Variants in ZDHHC9 observed in about 807,000 individuals in gnomAD.
ZDHHC9 encodes the protein palmitoyltransferase ZDHHC9.
ZDHHC9 carries 3 observed loss-of-function variants against 26.6 expected under a neutral mutation model. That is an observed-to-expected ratio of 0.11 (90% CI 0.05 to 0.29). The LOEUF (loss-of-function observed/expected upper bound fraction) is 0.29, where lower values mean the gene tolerates loss of function less well. Ranked by LOEUF, ZDHHC9 falls within the 10% of genes least tolerant of loss-of-function variation. The pLI is 1.00. For missense variants in ZDHHC9, 146 were observed against 296.4 expected, an observed-to-expected ratio of 0.49 and a Z score of 3.73; for synonymous variants, 111 against 109.4, an observed-to-expected ratio of 1.01 and a Z score of -0.09.
chrX:129,826,384 T>A (rs1349961003), intron 4 of ZDHHC9, among the ~76,000 whole-genome samples: 1 of 111,220 alleles, frequency 9.0e-6, no homozygotes, highest in African/African-American at 3.3e-5. Flanking sequence ...GAATATAAGA[T>A]GACAAAAACT....
chrX:129,836,753 G>A (rs779984958), intron 3 of ZDHHC9, among the ~76,000 whole-genome samples: 1 of 112,067 alleles, frequency 8.9e-6, no homozygotes, highest in Non-Finnish European at 1.9e-5. Context: ...CCCTGTTCCT[G>A]CAAGGCTACC....
At chrX:129,813,112 T>C (rs1276570997) in intron 7 of ZDHHC9, among the ~76,000 whole-genome samples, 1 of 112,289 alleles carries the variant, frequency 8.9e-6, no homozygotes, top group Admixed American at 9.5e-5. Context: ...TCACTGCCAA[T>C]GGAAATTCTG....
Position 129,811,465 on chromosome X carries a change from G to A in ZDHHC9, c.822C>T (p.Tyr274=), listed in dbSNP as rs1927638617. Reference sequence around the variant, plus strand: ...AGTTCTTCACAATATTGCCATGGCTGTAGGGATTCTGGACGCGATTCTTCC... The same window carrying A: ...AGTTCTTCACAATATTGCCATGGCTATAGGGATTCTGGACGCGATTCTTCC... ...WTGKNRVQNP[Y]SHGNIVKNCC... is the part of the protein sequence containing the mutation. The change falls in exon 9 of 11, where the codon TAC becomes TAT. Residue 274 remains tyrosine (Y), a synonymous_variant. Coordinates refer to ENST00000357166, the MANE Select transcript of ZDHHC9 (RefSeq NM_016032.4). 8.3e-7 allele frequency: 1 copy of A among 1,208,712 alleles called. No individual in the cohort carries two copies. The highest frequency in any genetic ancestry group is 1.8e-5 in the African/African-American group (1 of 57,024).
intron 2 of ZDHHC9, among the ~76,000 whole-genome samples, chrX:129,842,622 A>G (rs1285410845): frequency 8.9e-6 from 1 of 112,939 alleles, no homozygotes; most frequent in Non-Finnish European, 1.9e-5. Context: ...CCACTCGAAT[A>G]TGAATCACAG....
Position 129,841,809 on chromosome X carries a change from A to G in ZDHHC9, c.137T>C (p.Leu46Pro). The G allele has an allele frequency of 8.3e-7, 1 of 1,211,915 alleles. No individual in the cohort carries two copies. The highest frequency in any genetic ancestry group is 1.1e-6 in the Non-Finnish European group (1 of 895,595). Reference protein sequence around the residue: ...GIFYLTLFLILGTCTLFFAFE... With the variant: ...GIFYLTLFLIPGTCTLFFAFE... ...GGCGAAGAAGAGTGTACATGTCCCC[A>G]GGATGAGGAAAAGGGTCAGGTAGAA... The change falls in exon 3 of 11, where the codon CTG (leucine) becomes CCG (proline). Residue 46 changes from leucine to proline, a missense_variant. Leu to Pro is a moderately conservative substitution (Grantham distance 98). Around this residue, in one of 2 missense-constraint regions of ZDHHC9, gnomAD observed 100 missense variants for 250.0 expected, o/e 0.40. Coordinates refer to ENST00000357166, the MANE Select transcript of ZDHHC9 (RefSeq NM_016032.4).
At chrX:129,824,342 G>A (rs1047749184) in intron 4 of ZDHHC9, among the ~76,000 whole-genome samples, 1 of 111,322 alleles carries the variant, frequency 9.0e-6, no homozygotes, top group Non-Finnish European at 1.9e-5. Flanking sequence ...GGAGTGCAGT[G>A]GTGGGATCTC....
At position 129,804,295 on chromosome X, in the gene ZDHHC9, A is replaced by T. The variant is rs1216168469; in HGVS notation, c.*2075T>A. The T allele has an allele frequency of 1.8e-5, 2 of 111,645 alleles. No individual in the cohort carries two copies. Among genetic ancestry groups the T allele is most frequent in the African/African-American group, 6.5e-5 (2 of 30,647 alleles). 9.2% of individuals were successfully genotyped at this position (111,645 alleles called of 1,213,427 possible). ...TATAACTTCAAGAAAAAAAACTGAG[A>T]GAACCAGAAAAAGAAGCAGACAGGA... On this transcript the variant is annotated 3_prime_UTR_variant, in exon 11 of 11. Transcript: ENST00000357166.
At chrX:129,806,550 C>T (rs1927521406) in intron 10 of ZDHHC9, 64 bp from the exon 11 acceptor site, 2 of 990,951 alleles carry the variant, frequency 2.0e-6, no homozygotes, top group Non-Finnish European at 2.9e-6. Flanking sequence ...TGCAGATAAA[C>T]CTTAGACACT....
chrX:129,817,975 T>C (rs184473046), intron 5 of ZDHHC9, among the ~76,000 whole-genome samples: 1 of 111,875 alleles, frequency 8.9e-6, no homozygotes, highest in African/African-American at 3.2e-5. Context: ...CTTTTGGCTA[T>C]TGTTATGGAA....
intron 5 of ZDHHC9, among the ~76,000 whole-genome samples, chrX:129,817,979 T>G (rs1259449373): frequency 8.9e-6 from 1 of 111,759 alleles, no homozygotes; most frequent in Non-Finnish European, 1.9e-5. Flanking sequence ...TGGCTATTGT[T>G]ATGGAATGAA....
chrX:129,840,535 C>T (rs1928356790), intron 3 of ZDHHC9, among the ~76,000 whole-genome samples: 1 of 111,864 alleles, frequency 8.9e-6, no homozygotes, highest in African/African-American at 3.3e-5. Flanking sequence ...GAAACTCAAA[C>T]TGGAAAGCAA....
intron 5 of ZDHHC9, among the ~76,000 whole-genome samples, chrX:129,817,812 A>C (rs1175744868): frequency 1.8e-5 from 2 of 109,913 alleles, no homozygotes; most frequent in East Asian, 5.7e-4. Context: ...CCTTTTTATG[A>C]CTGGATAATA....
At chrX:129,827,240 A>AAAGGAAGGAAAAAGGAAGG (rs1928035765) in intron 4 of ZDHHC9, among the ~76,000 whole-genome samples, 2 of 90,363 alleles carry the variant, frequency 2.2e-5, no homozygotes, top group Non-Finnish European at 4.3e-5. Flanking sequence ...GAAAGGAAGG[A>AAAGGAAGGAAAAAGGAAGG]AAGGAAGGAA....
intron 6 of ZDHHC9, 70 bp from the exon 7 acceptor site, chrX:129,813,795 G>A: frequency 2.1e-6 from 2 of 969,395 alleles, no homozygotes; most frequent in Non-Finnish European, 2.9e-6. Context: ...CTATCCTAGT[G>A]CCTACTCACT....
rs889360436 is a variant in ZDHHC9, at chrX:129,806,435, G to A, written c.1030C>T (p.Pro344Ser). ...SNEMPEDSSTPEEMPPPEPPE... is the reference protein window; with the variant it reads ...SNEMPEDSSTSEEMPPPEPPE... ...GGCTCTGGAGGTGGCATCTCTTCGGGAGTGCTGCTGTCCTCCGGCATCTCA... is the reference window on the plus strand; with the variant it reads ...GGCTCTGGAGGTGGCATCTCTTCGGAAGTGCTGCTGTCCTCCGGCATCTCA... The change falls in exon 11 of 11, where the codon CCC (proline) becomes TCC (serine). Residue 344 changes from proline to serine, a missense_variant. This residue lies in a region of ZDHHC9 where 46 missense variants were observed against 46.4 expected (regional missense o/e 0.99). Transcript: ENST00000357166. 4 of 1,209,827 alleles carry A rather than the reference G, an allele frequency of 3.3e-6. No individual in the cohort carries two copies. In the African/African-American group the frequency reaches 7.0e-5, roughly 21 times the overall value.
At chrX:129,842,695 A>G (rs1928409775) in intron 2 of ZDHHC9, among the ~76,000 whole-genome samples, 1 of 113,073 alleles carries the variant, frequency 8.8e-6, no homozygotes, top group Admixed American at 9.3e-5. Flanking sequence ...ACATACGTGC[A>G]TTGTATTTAC....
intron 10 of ZDHHC9, among the ~76,000 whole-genome samples, chrX:129,807,781 C>T (rs948391989): frequency 1.1e-4 from 12 of 111,658 alleles, no homozygotes; most frequent in African/African-American, 1.3e-4. Context: ...ATGGCGCTGC[C>T]GCACTCCAGC....
chrX:129,832,505 C>T (rs934136456), intron 3 of ZDHHC9, among the ~76,000 whole-genome samples: 1 of 111,246 alleles, frequency 9.0e-6, no homozygotes, highest in Non-Finnish European at 1.9e-5. Context: ...AAAATAAGGC[C>T]GGGTGCAGTG....
intron 6 of ZDHHC9, 141 bp downstream of exon 6, chrX:129,814,517 G>A: frequency 1.1e-6 from 1 of 876,766 alleles, no homozygotes; most frequent in Admixed American, 2.3e-5. Flanking sequence ...CTCAAGAGCA[G>A]ATAACTGTGC....
Sources: gnomAD v4.1 joint callset for allele counts (sites outside exome capture counted in the v4.1 genomes callset) on GRCh38, gnomAD v4.1.1 for gene constraint, gnomAD v4.1.1 regional missense constraint, MANE v1.5 for transcripts, NCBI Gene and HGNC (gene_info 2026-07-23, HGNC 2026-07-21) for gene names.